Variants in GRM8 observed in about 807,000 individuals in gnomAD.
GRM8 encodes the protein glutamate metabotropic receptor 8.
Under a neutral mutation model 87.2 loss-of-function variants are expected in GRM8, and 47 were observed. The ratio of observed to expected loss-of-function variants is 0.54; its 90% confidence interval spans 0.43 to 0.69. GRM8 has a LOEUF of 0.69. Among genes scored for constraint, GRM8 ranks in the 30% least tolerant of loss-of-function variants. The probability of loss-of-function intolerance (pLI) is 0.00; values close to 1 mark genes in which losing one functional copy is unlikely to be tolerated. For missense variants in GRM8, 1,019 were observed against 1,139.2 expected (o/e 0.89, Z 1.52); for synonymous variants, 396 against 404.5 (o/e 0.98, Z 0.25).
intron 8 of GRM8, among the ~76,000 whole-genome samples, chr7:126,590,731 A>C (rs6960925): frequency 0.2 from 29,687 of 152,062 alleles, 3,431 homozygotes; most frequent in East Asian, 0.31. Context: ...GCCTACTTAA[A>C]CAAAACAATT....
At chr7:127,108,735 A>T (rs1299921897) in intron 2 of GRM8, among the ~76,000 whole-genome samples, 2 of 152,184 alleles carry the variant, frequency 1.3e-5, no homozygotes, top group Admixed American at 6.5e-5. Flanking sequence ...CATGTTTAGG[A>T]TTAATTAAAC....
At chr7:126,605,984 C>T (rs1277310449) in intron 8 of GRM8, among the ~76,000 whole-genome samples, 1 of 152,216 alleles carries the variant, frequency 6.6e-6, no homozygotes, top group African/African-American at 2.4e-5. Flanking sequence ...ATAGTCTCAA[C>T]ACCTTTTAAC....
intron 3 of GRM8, among the ~76,000 whole-genome samples, chr7:127,065,569 A>T (rs2132629239): frequency 6.6e-6 from 1 of 152,362 alleles, no homozygotes; most frequent in Non-Finnish European, 1.5e-5. Flanking sequence ...AGACAAGCAC[A>T]ACTCCAAATA....
At chr7:126,566,180 A>T (rs1794200095) in intron 8 of GRM8, among the ~76,000 whole-genome samples, 1 of 152,182 alleles carries the variant, frequency 6.6e-6, no homozygotes, top group African/African-American at 2.4e-5. Flanking sequence ...AAAAATAAAC[A>T]AGAGGCACTA....
intron 3 of GRM8, among the ~76,000 whole-genome samples, chr7:127,100,712 C>T (rs1388510318): frequency 6.6e-6 from 1 of 152,134 alleles, no homozygotes; most frequent in Non-Finnish European, 1.5e-5. Context: ...TATTCATTAC[C>T]ATGAGAACAG....
intron 6 of GRM8, among the ~76,000 whole-genome samples, chr7:126,865,169 C>T (rs1438117981): frequency 6.6e-6 from 1 of 152,192 alleles, no homozygotes; most frequent in African/African-American, 2.4e-5. Context: ...TTTGATACTT[C>T]CTGAGCTCTC....
Position 126,904,665 on chromosome 7 carries a change from T to C in GRM8, c.746A>G (p.Gln249Arg). The C allele has an allele frequency of 6.2e-7, 1 of 1,613,764 alleles. No homozygotes were observed. Among genetic ancestry groups the C allele is most frequent in the Non-Finnish European group, 8.5e-7 (1 of 1,179,674 alleles). The part of the protein sequence containing the change: ...SREIGGVCIA[Q>R]SQKIPREPRP... Reference sequence around the variant, plus strand: ...TGGTTCACGTGGGATTTTCTGTGACTGAGCAATGCAAACACCACCTATTTA... The same window carrying C: ...TGGTTCACGTGGGATTTTCTGTGACCGAGCAATGCAAACACCACCTATTTA... Residue 249 changes from glutamine to arginine, a missense_variant, in exon 4 of 11, where the codon CAG becomes CGG. Physicochemically the swap from Gln to Arg is conservative, Grantham distance 43. Coordinates refer to ENST00000339582, the MANE Select transcript of GRM8 (RefSeq NM_000845.3).
chr7:126,690,140 T>C (rs553905101), intron 7 of GRM8, among the ~76,000 whole-genome samples: 1 of 152,352 alleles, frequency 6.6e-6, no homozygotes, highest in Admixed American at 6.5e-5. Context: ...GTTGCTTTTC[T>C]GGCTGAAAAC....
At chr7:127,117,875 G>A (rs1826794501) in intron 2 of GRM8, among the ~76,000 whole-genome samples, 1 of 152,206 alleles carries the variant, frequency 6.6e-6, no homozygotes, top group African/African-American at 2.4e-5. Context: ...CTAACAAATT[G>A]AAGTCAATAA....
chr7:126,482,754 G>A (rs2150600360), intron 9 of GRM8, among the ~76,000 whole-genome samples: 1 of 151,960 alleles, frequency 6.6e-6, no homozygotes, highest in Non-Finnish European at 1.5e-5. Flanking sequence ...AATATACTTA[G>A]TATCACTGCA....
intron 2 of GRM8, among the ~76,000 whole-genome samples, chr7:127,124,722 A>C (rs1827267405): frequency 2.0e-5 from 3 of 152,162 alleles, no homozygotes; most frequent in Admixed American, 2.0e-4. Flanking sequence ...ACATGATCAG[A>C]ACTGATTGCA....
chr7:126,932,890 G>A lies in GRM8; in HGVS notation c.728-28207C>T, dbSNP rs191082833. Among the ~76,000 whole-genome samples, 23 of 152,262 alleles carry A rather than the reference G, an allele frequency of 1.5e-4. No individual in the cohort carries two copies. The East Asian group carries it at 3.5e-3, about 23-fold the overall frequency. On this transcript the variant is annotated intron_variant, in intron 3 of 10. Coordinates refer to ENST00000339582, the MANE Select transcript of GRM8 (RefSeq NM_000845.3). Reference sequence around the variant, plus strand: ...GATAGATGGATTCCCTCAAATGTCCGATTAAGACAAGATTGGCTATGAAAT... The same window carrying A: ...GATAGATGGATTCCCTCAAATGTCCAATTAAGACAAGATTGGCTATGAAAT...
chr7:126,571,608 T>C (rs970737502), intron 8 of GRM8, among the ~76,000 whole-genome samples: 1 of 152,184 alleles, frequency 6.6e-6, no homozygotes, highest in Admixed American at 6.5e-5. Context: ...TGCCAACAAG[T>C]ATTTCCCACT....
intron 2 of GRM8, among the ~76,000 whole-genome samples, chr7:127,182,679 GTGTA>G (rs1442562178): frequency 1.6e-5 from 2 of 128,870 alleles, no homozygotes; most frequent in East Asian, 2.1e-4. Flanking sequence ...GTGTGTGTGT[GTGTA>G]TAGACAGATA....
At chr7:126,942,454 A>G (rs1807062592) in intron 3 of GRM8, among the ~76,000 whole-genome samples, 1 of 152,230 alleles carries the variant, frequency 6.6e-6, no homozygotes, top group African/African-American at 2.4e-5. Flanking sequence ...TCATTACCTG[A>G]CAAGGAACAT....
intron 8 of GRM8, among the ~76,000 whole-genome samples, chr7:126,541,128 A>C (rs1419436043): frequency 6.6e-6 from 1 of 152,116 alleles, no homozygotes; most frequent in Non-Finnish European, 1.5e-5. Flanking sequence ...GAAAAAAACA[A>C]AGGCCAATCA....
chr7:127,064,258 A>G (rs989285282), intron 3 of GRM8, among the ~76,000 whole-genome samples: 1 of 152,036 alleles, frequency 6.6e-6, no homozygotes, highest in African/African-American at 2.4e-5. Context: ...ACAGAAGTCT[A>G]TGTCTCTGTG....
chr7:127,189,278 C>G (rs1023411095), intron 2 of GRM8, among the ~76,000 whole-genome samples: 3 of 152,176 alleles, frequency 2.0e-5, no homozygotes, highest in Non-Finnish European at 4.4e-5. Context: ...AACAGTAATT[C>G]TCAAGTGCCT....
chr7:126,533,509 G>C lies in GRM8; in HGVS notation c.1873C>G (p.Leu625Val). 6.2e-7 allele frequency: 1 copy of C among 1,614,100 alleles called. No individual in the cohort carries two copies. The highest frequency in any genetic ancestry group is 8.5e-7 in the Non-Finnish European group (1 of 1,179,982). The change falls in exon 9 of 11, where the codon CTC (leucine) becomes GTC (valine). Residue 625 changes from leucine to valine, a missense_variant. Transcript: ENST00000339582. ...RASGRELSYV[L>V]LTGIFLCYSI... Reference sequence around the variant, plus strand: ...TAACAGAGAAAAATCCCCGTTAGGAGCACGTAACTAAGTTCGCGTCCTGAA... The same window carrying C: ...TAACAGAGAAAAATCCCCGTTAGGACCACGTAACTAAGTTCGCGTCCTGAA...
Sources: allele counts gnomAD v4.1 joint callset (sites outside exome capture counted in the v4.1 genomes callset), GRCh38; gene constraint gnomAD v4.1.1; transcripts MANE v1.5; gene names NCBI Gene and HGNC (gene_info 2026-07-23, HGNC 2026-07-21).